Variants in JMJD1C observed in about 807,000 individuals in gnomAD.
JMJD1C encodes the protein jumonji domain-containing protein 1C.
In JMJD1C, 31 loss-of-function variants were observed where a neutral mutation model predicts 245.3. That is an observed-to-expected ratio of 0.13 (90% CI 0.09 to 0.17). The LOEUF is 0.17. JMJD1C is among the 10% of genes least tolerant of loss of function. The pLI, the probability that JMJD1C is intolerant of heterozygous loss-of-function variation, is 1.00. For missense variants in JMJD1C, 2,691 were observed against 3,000.2 expected, an observed-to-expected ratio of 0.90 and a Z score of 2.41; for synonymous variants, 1,057 against 1,017.4, an observed-to-expected ratio of 1.04 and a Z score of -0.74.
At chr10:63,484,616 T>C (rs546886380) in intron 1 of JMJD1C, among the ~76,000 whole-genome samples, 3 of 151,840 alleles carry the variant, frequency 2.0e-5, no homozygotes, top group Non-Finnish European at 4.4e-5. Flanking sequence ...ATAAAAGCAG[T>C]GACAACCCTA....
chr10:63,202,606 C>G (rs1846151804), intron 10 of JMJD1C: 2 of 985,304 alleles, frequency 2.0e-6, no homozygotes, highest in African/African-American at 3.5e-5. Flanking sequence ...CAATTACATG[C>G]TTTCCCCTCT....
At chr10:63,275,036 TA>T (rs1181419222) in intron 2 of JMJD1C, among the ~76,000 whole-genome samples, 6 of 152,124 alleles carry the variant, frequency 3.9e-5, no homozygotes, top group Admixed American at 2.0e-4. Context: ...TCTCTAAAAA[TA>T]TAGGTATTTT....
At chr10:63,300,002 T>C (rs1280398744) in intron 2 of JMJD1C, among the ~76,000 whole-genome samples, 1 of 152,180 alleles carries the variant, frequency 6.6e-6, no homozygotes, top group Non-Finnish European at 1.5e-5. Flanking sequence ...ACAAGTGGAA[T>C]GTCTGAGTTG....
At chr10:63,465,463 G>A (rs927156947) in intron 1 of JMJD1C, 32 bp downstream of exon 1, 9 of 1,560,520 alleles carry the variant, frequency 5.8e-6, no homozygotes, top group African/African-American at 5.4e-5. Context: ...TGCGGGCGCG[G>A]CAGGGGAAAA....
intron 18 of JMJD1C, among the ~76,000 whole-genome samples, chr10:63,188,732 A>G (rs749310602): frequency 6.6e-6 from 1 of 152,214 alleles, no homozygotes; most frequent in Non-Finnish European, 1.5e-5. Context: ...TTGATGAACT[A>G]ATTTGTAAGT....
chr10:63,520,866 T>C (rs1020089517), intron 1 of JMJD1C, among the ~76,000 whole-genome samples: 12 of 152,212 alleles, frequency 7.9e-5, no homozygotes, highest in Non-Finnish European at 1.8e-4. Context: ...CACGGAGGCC[T>C]GTGCAAGAAC....
At chr10:63,504,032 T>C (rs1954642625) in intron 1 of JMJD1C, among the ~76,000 whole-genome samples, 1 of 152,186 alleles carries the variant, frequency 6.6e-6, no homozygotes. Flanking sequence ...ATGACACCCT[T>C]AAACTGATCA....
At chr10:63,316,513 TC>T (rs140959700) in intron 2 of JMJD1C, among the ~76,000 whole-genome samples, 3,668 of 152,282 alleles carry the variant, frequency 0.024, 105 homozygotes, top group African/African-American at 0.067. Context: ...AATGGCATGA[TC>T]CCTGCTCACT....
rs1159670621 is a variant in JMJD1C, at chr10:63,495,764, A to G, written n.113+25974T>C. ...AAACAACTCCTAACTCAAAAAAAAA[A>G]AAAAGAAGAAGAAAATTGAGAAAGG... On this transcript the variant is annotated intron_variant and non_coding_transcript_variant, in intron 1 of 3. Coordinates refer to the JMJD1C transcript ENST00000633035. 2.0e-5 allele frequency among the ~76,000 whole-genome samples: 3 copies of G among 151,798 alleles called. No individual in the cohort carries two copies. The East Asian group carries it at 5.8e-4, about 29-fold the overall frequency.
chr10:63,436,098 T>C (rs1048837483), intron 1 of JMJD1C, among the ~76,000 whole-genome samples: 1 of 152,160 alleles, frequency 6.6e-6, no homozygotes, highest in Admixed American at 6.6e-5. Context: ...AGAAGTGACT[T>C]CAATATGCAA....
At chr10:63,296,013 A>ACATATATTTTT (rs1554877208) in intron 2 of JMJD1C, among the ~76,000 whole-genome samples, 1 of 84,284 alleles carries the variant, frequency 1.2e-5, no homozygotes, top group Admixed American at 1.3e-4. Context: ...GTATATATAT[A>ACATATATTTTT]TTTTTTTTTT....
intron 2 of JMJD1C, among the ~76,000 whole-genome samples, chr10:63,281,001 A>C (rs1857312963): frequency 6.7e-6 from 1 of 149,476 alleles, no homozygotes; most frequent in South Asian, 2.1e-4. Flanking sequence ...TGTGTCGCCC[A>C]GGATGGAGTG....
chr10:63,197,166 AC>A (rs1845553026), intron 13 of JMJD1C, among the ~76,000 whole-genome samples: 1 of 152,220 alleles, frequency 6.6e-6, no homozygotes, highest in East Asian at 1.9e-4. Context: ...ACATTAAGGA[AC>A]TATCTGACTG....
At chr10:63,497,927 A>T (rs1954413152) in intron 1 of JMJD1C, among the ~76,000 whole-genome samples, 2 of 152,204 alleles carry the variant, frequency 1.3e-5, no homozygotes, top group South Asian at 4.1e-4. Context: ...AAAAAAATCA[A>T]ATCCTTCAGA....
chr10:63,176,820 T>A (rs933124599), intron 23 of JMJD1C: 71 of 152,884 alleles, frequency 4.6e-4, no homozygotes, highest in Admixed American at 4.0e-3. Context: ...TTTTTTTTTT[T>A]ACCAAAAGCC....
rs373583484 is a variant in JMJD1C at position 63,215,250 on chromosome 10, A to T, written c.1015+13T>A. On this transcript the variant is annotated intron_variant, in intron 7 of 25. Coordinates refer to ENST00000399262, the MANE Select transcript of JMJD1C (RefSeq NM_032776.3). ...TTTGTTTTCATTCCCTTAAAAAAAA[A>T]AGTGGGTCCTACCTCCTCGTGATAT... 5 of 1,584,726 alleles carry T rather than the reference A, an allele frequency of 3.2e-6. No homozygotes were observed. Among genetic ancestry groups the T allele is most frequent in the Non-Finnish European group, 4.3e-6 (5 of 1,168,660 alleles).
intron 2 of JMJD1C, among the ~76,000 whole-genome samples, chr10:63,374,093 CAAAA>C (rs1946530346): frequency 6.6e-6 from 1 of 152,072 alleles, no homozygotes; most frequent in Admixed American, 6.5e-5. Context: ...ACATACAATT[CAAAA>C]AGACTTACTA....
At chr10:63,307,635 T>C (rs1270514126) in intron 2 of JMJD1C, among the ~76,000 whole-genome samples, 1 of 151,916 alleles carries the variant, frequency 6.6e-6, no homozygotes. Context: ...CAGGTAAGAC[T>C]GGCACTGGGG....
At chr10:63,437,444 T>C (rs1951120922) in intron 1 of JMJD1C, among the ~76,000 whole-genome samples, 1 of 152,214 alleles carries the variant, frequency 6.6e-6, no homozygotes, top group Non-Finnish European at 1.5e-5. Context: ...TCTTCTCTTC[T>C]ATTACTAGGG....
Sources: gnomAD v4.1 joint callset for allele counts (sites outside exome capture counted in the v4.1 genomes callset) on GRCh38, gnomAD v4.1.1 for gene constraint, MANE v1.5 for transcripts, NCBI Gene and HGNC (gene_info 2026-07-23, HGNC 2026-07-21) for gene names.